Variants in CDH4 observed in about 807,000 individuals in gnomAD.
The protein encoded by CDH4 is cadherin-4.
Under a neutral mutation model 86.0 loss-of-function variants are expected in CDH4, and 33 were observed. The observed-to-expected ratio is 0.38, with a 90% CI of 0.29 to 0.51. The LOEUF (loss-of-function observed/expected upper bound fraction) is 0.51. Among genes scored for constraint, CDH4 ranks in the 20% least tolerant of loss-of-function variants. The pLI, the probability that CDH4 is intolerant of heterozygous loss-of-function variation, is 0.86. For missense variants in CDH4, 1,114 were observed against 1,307.4 expected, an observed-to-expected ratio of 0.85 and a Z score of 2.28; for synonymous variants, 555 against 549.4, an observed-to-expected ratio of 1.01 and a Z score of -0.14.
intron 7 of CDH4, among the ~76,000 whole-genome samples, chr20:61,883,942 C>T (rs1984415359): frequency 6.6e-6 from 1 of 152,202 alleles, no homozygotes; most frequent in African/African-American, 2.4e-5. Context: ...CCCCACCCCC[C>T]AACCCCCGTG....
At chr20:61,652,938 A>ATTTATTTTTTT (rs1555819716) in intron 2 of CDH4, among the ~76,000 whole-genome samples, 2 of 97,400 alleles carry the variant, frequency 2.1e-5, no homozygotes, top group African/African-American at 6.8e-5. Context: ...TTATTTATTT[A>ATTTATTTTTTT]TTTTTTTTTT....
intron 2 of CDH4, among the ~76,000 whole-genome samples, chr20:61,404,063 A>C (rs1407682799): frequency 6.6e-6 from 1 of 152,208 alleles, no homozygotes; most frequent in Non-Finnish European, 1.5e-5. Context: ...TTGATCAGAA[A>C]GTACAGCTTG....
At chr20:61,660,844 G>C (rs948794447) in intron 2 of CDH4, among the ~76,000 whole-genome samples, 5 of 152,322 alleles carry the variant, frequency 3.3e-5, no homozygotes, top group Non-Finnish European at 5.9e-5. Context: ...GGGTGGAGGA[G>C]CCTCTTTGCC....
At chr20:61,778,681 A>G (rs532579043) in intron 4 of CDH4, among the ~76,000 whole-genome samples, 4 of 152,290 alleles carry the variant, frequency 2.6e-5, no homozygotes, top group African/African-American at 7.2e-5. Context: ...GGGAACACTC[A>G]GAACCCCAGG....
At chr20:61,477,670 C>T (rs2085546643) in intron 2 of CDH4, among the ~76,000 whole-genome samples, 1 of 152,218 alleles carries the variant, frequency 6.6e-6, no homozygotes. Flanking sequence ...CCGTGGTCCT[C>T]CCACAGGAGC....
At chr20:61,661,993 TG>T (rs758492280) in intron 2 of CDH4, among the ~76,000 whole-genome samples, 9 of 152,198 alleles carry the variant, frequency 5.9e-5, no homozygotes, top group Admixed American at 1.3e-4. Flanking sequence ...CCAGGGTACA[TG>T]TTTTTTAAAA....
rs567007835 is a variant in CDH4 at position 61,682,557 on chromosome 20, A to G, written c.170-61006A>G. 5.3e-5 allele frequency among the ~76,000 whole-genome samples: 8 copies of G among 152,152 alleles called. No individual in the cohort carries two copies. In the South Asian group the frequency reaches 6.2e-4, roughly 12 times the overall value. ...AATACATGGATAGGTGGAGGGATGG[A>G]TGGACAGAGGAAGGGAGAGATGAAG... is the stretch of plus-strand genomic sequence containing the variant. On this transcript the variant is annotated intron_variant, in intron 2 of 15. Transcript: ENST00000614565.
chr20:61,499,276 C>A (rs578054569), intron 2 of CDH4: 1 of 173,412 alleles, frequency 5.8e-6, no homozygotes, highest in East Asian at 1.9e-4. Context: ...GGGTTGGGGG[C>A]ACAGCCCCGG....
intron 2 of CDH4, among the ~76,000 whole-genome samples, chr20:61,386,453 C>G (rs148444856): frequency 2.5e-4 from 38 of 152,286 alleles, no homozygotes; most frequent in African/African-American, 8.4e-4. Flanking sequence ...TGCCTTCCCC[C>G]AGCCTTCCCT....
intron 2 of CDH4, among the ~76,000 whole-genome samples, chr20:61,492,626 C>A (rs1018809603): frequency 2.6e-5 from 4 of 152,070 alleles, no homozygotes; most frequent in Non-Finnish European, 5.9e-5. Context: ...TGCTTTGTGT[C>A]AGGCGTGATT....
At chr20:61,331,069 G>A (rs1343652284) in intron 2 of CDH4, among the ~76,000 whole-genome samples, 1 of 152,116 alleles carries the variant, frequency 6.6e-6, no homozygotes, top group Non-Finnish European at 1.5e-5. Flanking sequence ...ACACCTGTGC[G>A]AGGGTGCATT....
At chr20:61,442,557 G>T (rs2085320113) in intron 2 of CDH4, among the ~76,000 whole-genome samples, 1 of 152,198 alleles carries the variant, frequency 6.6e-6, no homozygotes, top group African/African-American at 2.4e-5. Flanking sequence ...TCGCTTTGGG[G>T]TTCTACATTA....
At chr20:61,545,854 G>A (rs1056708179) in intron 2 of CDH4, among the ~76,000 whole-genome samples, 2 of 151,006 alleles carry the variant, frequency 1.3e-5, no homozygotes, top group Non-Finnish European at 3.0e-5. Context: ...AGGGGTATGT[G>A]TGCATGTGTG....
Position 61,703,509 on chromosome 20 carries a change from C to T in CDH4, c.170-40054C>T, listed in dbSNP as rs1213441963. ...TTGAAAAGACATCATTTGTCCCCAC[C>T]AACAAATTAGTGGGGAAGGAAGGAG... On this transcript the variant is annotated intron_variant, in intron 2 of 15. Coordinates refer to ENST00000614565, the MANE Select transcript of CDH4 (RefSeq NM_001794.5). This position sits in a 1 kb window ranked among gnomAD's most constrained non-coding sequence, Gnocchi z 4.3. Among the ~76,000 whole-genome samples, 1 of 152,214 alleles carries T rather than the reference C, an allele frequency of 6.6e-6. No homozygotes were observed. Among genetic ancestry groups the T allele is most frequent in the Non-Finnish European group, 1.5e-5 (1 of 68,040 alleles).
chr20:61,916,492 T>C (rs1347886220), intron 9 of CDH4, among the ~76,000 whole-genome samples: 2 of 152,260 alleles, frequency 1.3e-5, no homozygotes, highest in Admixed American at 1.3e-4. Flanking sequence ...ACTGAATCAA[T>C]GGTATTAGCT....
intron 2 of CDH4, among the ~76,000 whole-genome samples, chr20:61,533,382 A>G (rs1191543638): frequency 1.3e-5 from 2 of 152,172 alleles, no homozygotes; most frequent in Non-Finnish European, 2.9e-5. Context: ...TGTGGCTGCA[A>G]CCCGCTGATG....
Position 61,614,032 on chromosome 20 carries a change from T to G in CDH4, c.170-129531T>G, listed in dbSNP as rs377584162. Among the ~76,000 whole-genome samples the G allele has an allele frequency of 5.0e-4, 76 of 152,108 alleles. 1 individual carries two copies. The highest frequency in any genetic ancestry group is 1.6e-3 in the African/African-American group (68 of 41,434). ...GCAGGTGGGTGTATGAGAGGAGAGG[T>G]GGCAGGGACGGACGTGTGGTGGAAT... On this transcript the variant is annotated intron_variant, in intron 2 of 15. Coordinates refer to ENST00000614565, the MANE Select transcript of CDH4 (RefSeq NM_001794.5).
chr20:61,651,071 C>T (rs1048723179), intron 2 of CDH4, among the ~76,000 whole-genome samples: 2 of 152,068 alleles, frequency 1.3e-5, no homozygotes, highest in Non-Finnish European at 2.9e-5. Context: ...GAGTTAGCGC[C>T]GTGCTTGGCC....
At chr20:61,545,894 CGTATGTG>C (rs2086076152) in intron 2 of CDH4, among the ~76,000 whole-genome samples, 1 of 65,672 alleles carries the variant, frequency 1.5e-5, no homozygotes. Context: ...GGTATGTGTT[CGTATGTG>C]TGTGTGTGGA....
Sources: allele counts gnomAD v4.1 joint callset (sites outside exome capture counted in the v4.1 genomes callset), GRCh38; gene constraint gnomAD v4.1.1; non-coding constraint Gnocchi (gnomAD v3.1); transcripts MANE v1.5; gene names NCBI Gene and HGNC (gene_info 2026-07-23, HGNC 2026-07-21).